PREP: variants seen among roughly 807,000 people sequenced by gnomAD.
PREP encodes the protein prolyl endopeptidase.
In PREP, 29 loss-of-function variants were observed where a neutral mutation model predicts 87.6. That is an observed-to-expected ratio of 0.33 (90% CI 0.25 to 0.45). The LOEUF (loss-of-function observed/expected upper bound fraction) is 0.45, where lower values mean the gene tolerates loss of function less well. Ranked by LOEUF, PREP falls within the 20% of genes least tolerant of loss-of-function variation. The pLI is 1.00. For missense variants in PREP, 695 were observed against 886.5 expected (o/e 0.78, Z 2.74); for synonymous variants, 337 against 328.6 (o/e 1.03, Z -0.28).
intron 2 of PREP, among the ~76,000 whole-genome samples, chr6:105,396,153 A>T (rs540899747): frequency 9.9e-5 from 15 of 152,222 alleles, no homozygotes; most frequent in Non-Finnish European, 1.5e-4. Flanking sequence ...TGGAAAGAAA[A>T]ATTAAACCCC....
Position 105,275,791 on chromosome 6 carries a change from A to G in PREP, c.*2353T>C, listed in dbSNP as rs139109832. On this transcript the variant is annotated 3_prime_UTR_variant, in exon 15 of 15. Coordinates refer to ENST00000652536, the MANE Select transcript of PREP (RefSeq NM_002726.5). The stretch of plus-strand genomic sequence containing the variant: ...GATCCTGTCATTTGCAGCAACATGG[A>G]TGGAACTGAAGGTCAATATGGTAAG... Among the ~76,000 whole-genome samples, 1,477 of 152,362 alleles carry G rather than the reference A, an allele frequency of 9.7e-3. 31 individuals are homozygous for G. The highest frequency in any genetic ancestry group is 0.033 in the African/African-American group (1,358 of 41,582).
chr6:105,289,544 T>C (rs1344178551), intron 10 of PREP, among the ~76,000 whole-genome samples: 1 of 152,170 alleles, frequency 6.6e-6, no homozygotes, highest in Non-Finnish European at 1.5e-5. Flanking sequence ...TTAAGGTTCA[T>C]AAAGCCTTCT....
At chr6:105,345,321 G>A (rs1354119073) in intron 7 of PREP, among the ~76,000 whole-genome samples, 1 of 151,960 alleles carries the variant, frequency 6.6e-6, no homozygotes, top group Non-Finnish European at 1.5e-5. Flanking sequence ...TATTCACTCT[G>A]AAGCCAAAAG....
intron 11 of PREP, 110 bp from the exon 12 acceptor site, chr6:105,285,690 T>C (rs1453975092): frequency 1.3e-6 from 1 of 792,084 alleles, no homozygotes; most frequent in African/African-American, 1.7e-5. Flanking sequence ...AGTAATATCA[T>C]CTCAATAGGA....
chr6:105,278,490 T>C lies in PREP; in HGVS notation c.1839-52A>G, dbSNP rs768988387. ...GCTGGAGAGCAACAGTAGAGTTTTA[T>C]GGCACAGGGACCTAGGTAGTTAATT... On this transcript the variant is annotated intron_variant, in intron 14 of 14. Coordinates refer to ENST00000652536, the MANE Select transcript of PREP (RefSeq NM_002726.5). The surrounding 1 kb of genome is among the most constrained non-coding windows in gnomAD (Gnocchi z 4.2). 7.8e-6 allele frequency: 12 copies of C among 1,537,240 alleles called. No individual in the cohort carries two copies. The East Asian group carries it at 2.0e-4, about 26-fold the overall frequency.
intron 6 of PREP, among the ~76,000 whole-genome samples, chr6:105,364,775 A>G (rs1772343571): frequency 6.6e-6 from 1 of 152,220 alleles, no homozygotes; most frequent in South Asian, 2.1e-4. Context: ...GAACTAGAAT[A>G]AAAATTTCTG....
chr6:105,372,074 T>C (rs1772572971), intron 5 of PREP, among the ~76,000 whole-genome samples: 1 of 152,162 alleles, frequency 6.6e-6, no homozygotes, highest in South Asian at 2.1e-4. Context: ...AAAAACCTAC[T>C]TTTAGCTCAT....
At chr6:105,381,716 A>C (rs561314083) in intron 2 of PREP, among the ~76,000 whole-genome samples, 1 of 152,354 alleles carries the variant, frequency 6.6e-6, no homozygotes, top group East Asian at 1.9e-4. Context: ...AATCTTACTT[A>C]TATCTCATGT....
At chr6:105,401,477 G>A (rs1773428763) in intron 1 of PREP, among the ~76,000 whole-genome samples, 1 of 152,178 alleles carries the variant, frequency 6.6e-6, no homozygotes, top group Non-Finnish European at 1.5e-5. Context: ...TGAGAAAAAA[G>A]GCCCATAACA....
At chr6:105,380,121 T>C (rs1772798333) in intron 2 of PREP, among the ~76,000 whole-genome samples, 1 of 152,198 alleles carries the variant, frequency 6.6e-6, no homozygotes, top group Non-Finnish European at 1.5e-5. Flanking sequence ...CTTGCAGATC[T>C]TGAAAATCAC....
chr6:105,396,646 C>T (rs764429276), intron 2 of PREP, among the ~76,000 whole-genome samples: 5 of 151,392 alleles, frequency 3.3e-5, no homozygotes, highest in Non-Finnish European at 7.4e-5. Context: ...AAGACACAGG[C>T]GTTTGAAGAC....
chr6:105,328,092 C>A (rs921934950), intron 9 of PREP, among the ~76,000 whole-genome samples: 1 of 152,146 alleles, frequency 6.6e-6, no homozygotes, highest in African/African-American at 2.4e-5. Context: ...TAAGACTATA[C>A]TTTTAGAATT....
At chr6:105,381,021 C>T (rs1435756158) in intron 2 of PREP, among the ~76,000 whole-genome samples, 1 of 152,208 alleles carries the variant, frequency 6.6e-6, no homozygotes, top group Non-Finnish European at 1.5e-5. Flanking sequence ...GACACACTGG[C>T]TTTTCACATA....
intron 10 of PREP, among the ~76,000 whole-genome samples, chr6:105,312,765 A>C (rs1324012196): frequency 6.6e-6 from 1 of 152,186 alleles, no homozygotes; most frequent in Non-Finnish European, 1.5e-5. Context: ...TGAATATTGA[A>C]AGATGTGTGG....
chr6:105,274,720 A>T lies in PREP; in HGVS notation c.*3424T>A, dbSNP rs550588341. 1.3e-5 allele frequency among the ~76,000 whole-genome samples: 2 copies of T among 152,206 alleles called. No homozygotes were observed. The highest frequency in any genetic ancestry group is 4.8e-5 in the African/African-American group (2 of 41,456). On this transcript the variant is annotated 3_prime_UTR_variant, in exon 15 of 15. Coordinates refer to ENST00000652536, the MANE Select transcript of PREP (RefSeq NM_002726.5). ...GAGGTGGAGGTTGCAGTAAGCTGAGATAGCGCCATTGCACTCCAGCCTGGG... is the reference window on the plus strand; with the variant it reads ...GAGGTGGAGGTTGCAGTAAGCTGAGTTAGCGCCATTGCACTCCAGCCTGGG...
At position 105,282,606 on chromosome 6, in the gene PREP, T is replaced by C. The variant is rs550900452; in HGVS notation, c.1550-24A>G. 7.8e-5 allele frequency: 125 copies of C among 1,603,906 alleles called. No homozygotes were observed. In the Middle Eastern group the frequency reaches 8.3e-4, roughly 11 times the overall value. Reference sequence around the variant, plus strand: ...ACCTACAGTGTGCCAAAGTGGAAGATAGTTAATTAACAAAACATAAAAATA... The same window carrying C: ...ACCTACAGTGTGCCAAAGTGGAAGACAGTTAATTAACAAAACATAAAAATA... On this transcript the variant is annotated intron_variant, in intron 12 of 14. Transcript: ENST00000652536.
At chr6:105,286,817 G>A (rs1430389201) in intron 11 of PREP, among the ~76,000 whole-genome samples, 1 of 4,602 alleles carries the variant, frequency 2.2e-4, no homozygotes, top group Non-Finnish European at 6.7e-4. Context: ...GGTCTCTCCT[G>A]AGACTACTAT....
At chr6:105,378,515 G>C (rs12111469) in intron 2 of PREP, among the ~76,000 whole-genome samples, 7,788 of 152,216 alleles carry the variant, frequency 0.051, 249 homozygotes, top group Non-Finnish European at 0.076. Context: ...AAGAATATCA[G>C]CAACATGGTT....
At chr6:105,353,226 TAA>T in intron 6 of PREP, 149 bp from the exon 7 acceptor site, 1 of 551,632 alleles carries the variant, frequency 1.8e-6, no homozygotes, top group East Asian at 2.8e-5. Flanking sequence ...GTTATCTGAA[TAA>T]AAAGATGAAC....
Sources: allele counts gnomAD v4.1 joint callset (sites outside exome capture counted in the v4.1 genomes callset), GRCh38; gene constraint gnomAD v4.1.1; non-coding constraint Gnocchi (gnomAD v3.1); transcripts MANE v1.5; gene names NCBI Gene and HGNC (gene_info 2026-07-23, HGNC 2026-07-21).